Variants in KIF13B observed in about 807,000 individuals in gnomAD.
KIF13B encodes the protein kinesin family member 13B, also known as kinesin-like protein KIF13B.
In KIF13B, 127 loss-of-function variants were observed where a neutral mutation model predicts 222.0. The observed-to-expected ratio is 0.57, with a 90% CI of 0.50 to 0.66. KIF13B has a LOEUF of 0.66. Ranked by LOEUF, KIF13B falls within the 30% of genes least tolerant of loss-of-function variation. KIF13B has a pLI of 0.00. For missense variants in KIF13B, 2,173 were observed against 2,379.0 expected (o/e 0.91, Z 1.80); for synonymous variants, 976 against 919.0 (o/e 1.06, Z -1.12).
rs1178539640 is a variant in KIF13B, at chr8:29,160,782, T to G, written c.1355A>C (p.Asn452Thr). ...ATTCAGAGCTGGGTCAGCATTCAGA[T>G]TCACAAGGAAGCATTTATCATCCCC... ...KVGDDKCFLV[N>T]LNADPALNEL... Residue 452 changes from asparagine to threonine, a missense_variant, in exon 13 of 40, where the codon AAT becomes ACT. Physicochemically the swap from Asn to Thr is moderately conservative, Grantham distance 65. Around this residue, in one of 2 missense-constraint regions of KIF13B, gnomAD observed 1,480 missense variants for 1,722.8 expected, o/e 0.86. Transcript: ENST00000524189. The G allele has an allele frequency of 6.2e-7, 1 of 1,613,690 alleles. No individual in the cohort carries two copies. The highest frequency in any genetic ancestry group is 1.7e-5 in the Admixed American group (1 of 60,004).
chr8:29,093,725 A>T (rs1390862275), intron 36 of KIF13B, among the ~76,000 whole-genome samples: 3 of 152,256 alleles, frequency 2.0e-5, no homozygotes, highest in Non-Finnish European at 4.4e-5. Context: ...TACATTTTAC[A>T]TAAAGCAGTA....
intron 37 of KIF13B, among the ~76,000 whole-genome samples, chr8:29,078,738 T>A (rs1807679117): frequency 6.6e-6 from 1 of 152,204 alleles, no homozygotes; most frequent in African/African-American, 2.4e-5. Flanking sequence ...AAACCGAGGC[T>A]CAGAGAGCGT....
Position 29,191,041 on chromosome 8 carries a change from T to C in KIF13B, c.179A>G (p.His60Arg). Residue 60 changes from histidine to arginine, a missense_variant, in exon 4 of 40, where the codon CAT becomes CGT. Physicochemically the swap from His to Arg is conservative, Grantham distance 29 (BLOSUM62 0). Coordinates refer to ENST00000524189, the MANE Select transcript of KIF13B (RefSeq NM_015254.4). Reference sequence around the variant, plus strand: ...AGATTCATCCATAGACCAGAAACAATGATCATAAGCAAACACCTGTTGAAA... The same window carrying C: ...AGATTCATCCATAGACCAGAAACAACGATCATAAGCAAACACCTGTTGAAA... ...RGQPKVFAYD[H>R]CFWSMDESVK... is the part of the protein sequence containing the mutation. 6.2e-7 allele frequency: 1 copy of C among 1,611,500 alleles called. No homozygotes were observed. Among genetic ancestry groups the C allele is most frequent in the African/African-American group, 1.3e-5 (1 of 74,924 alleles).
chr8:29,125,359 T>C (rs1810061748), intron 26 of KIF13B, among the ~76,000 whole-genome samples: 1 of 152,168 alleles, frequency 6.6e-6, no homozygotes, highest in South Asian at 2.1e-4. Flanking sequence ...ATATAGTGTG[T>C]CTGGGCTTTA....
At chr8:29,202,093 T>C (rs1211971968) in intron 2 of KIF13B, among the ~76,000 whole-genome samples, 1 of 152,182 alleles carries the variant, frequency 6.6e-6, no homozygotes, top group Non-Finnish European at 1.5e-5. Flanking sequence ...AGAGTATGAC[T>C]GGAGAATAAT....
intron 19 of KIF13B, 41 bp downstream of exon 19, chr8:29,142,116 C>A: frequency 2.5e-6 from 4 of 1,569,940 alleles, no homozygotes; most frequent in Non-Finnish European, 3.5e-6. Context: ...TTGGCTCCTT[C>A]CATAATTACC....
rs540541851 is a variant in KIF13B at position 29,089,933 on chromosome 8, T to A, written c.4458+2812A>T. 2.6e-5 allele frequency among the ~76,000 whole-genome samples: 4 copies of A among 151,136 alleles called. No individual in the cohort carries two copies. In the East Asian group the frequency reaches 7.8e-4, roughly 29 times the overall value. On this transcript the variant is annotated intron_variant, in intron 37 of 39. Transcript: ENST00000524189. ...GAAATGGTAATGTAGTGCCTGCATGTATGGTGGAAGCTGTTCTGGTGTGGC... is the reference window on the plus strand; with the variant it reads ...GAAATGGTAATGTAGTGCCTGCATGAATGGTGGAAGCTGTTCTGGTGTGGC...
In KIF13B at chr8:29,145,231, TATC is replaced by T. The variant is rs199993855; in HGVS notation, c.2187+1144_2187+1146del. ...ACAATGATCTGTAAAGTAACGATCA[TATC>T]ATATTTACAATACCTTTCTCAAAAT... is the stretch of plus-strand genomic sequence containing the variant. On this transcript the variant is annotated intron_variant, in intron 18 of 39. Coordinates refer to ENST00000524189, the MANE Select transcript of KIF13B (RefSeq NM_015254.4). Among the ~76,000 whole-genome samples, 165 of 152,330 alleles carry T rather than the reference TATC, an allele frequency of 1.1e-3. No individual in the cohort carries two copies. The East Asian group carries it at 0.02, about 19-fold the overall frequency.
chr8:29,216,034 G>A (rs990965675), intron 2 of KIF13B, among the ~76,000 whole-genome samples: 1 of 152,146 alleles, frequency 6.6e-6, no homozygotes, highest in Admixed American at 6.5e-5. Flanking sequence ...GATGAAGGGA[G>A]ATTTGCCTGA....
At chr8:29,126,165 G>A (rs1344915467) in intron 26 of KIF13B, among the ~76,000 whole-genome samples, 1 of 151,914 alleles carries the variant, frequency 6.6e-6, no homozygotes, top group African/African-American at 2.4e-5. Flanking sequence ...AACTATAATA[G>A]GGGCAACGAG....
At chr8:29,137,976 A>G (rs1443769668) in intron 21 of KIF13B, among the ~76,000 whole-genome samples, 1 of 152,260 alleles carries the variant, frequency 6.6e-6, no homozygotes, top group East Asian at 1.9e-4. Flanking sequence ...AATATGGTTA[A>G]GTCCAAGAGT....
chr8:29,177,617 C>G, intron 8 of KIF13B, 39 bp from the exon 9 acceptor site: 1 of 1,360,112 alleles, frequency 7.4e-7, no homozygotes, highest in Non-Finnish European at 1.1e-6. Context: ...AACAGGAACA[C>G]AGGGCCAGGT....
intron 2 of KIF13B, among the ~76,000 whole-genome samples, chr8:29,241,144 C>T (rs1377489773): frequency 2.6e-5 from 4 of 152,126 alleles, no homozygotes; most frequent in Admixed American, 6.5e-5. Context: ...ATAAATGCTA[C>T]GAAGTGGATA....
intron 14 of KIF13B, among the ~76,000 whole-genome samples, chr8:29,152,058 G>C (rs150905262): frequency 6.6e-6 from 1 of 152,094 alleles, no homozygotes; most frequent in East Asian, 1.9e-4. Flanking sequence ...GGATGCCTTC[G>C]GGGGGTTCAA....
At chr8:29,145,101 T>A (rs1811000391) in intron 18 of KIF13B, among the ~76,000 whole-genome samples, 1 of 152,208 alleles carries the variant, frequency 6.6e-6, no homozygotes, top group African/African-American at 2.4e-5. Flanking sequence ...TGACTGGCCT[T>A]CCTCTTCGGT....
At chr8:29,187,190 C>A (rs531953252) in intron 5 of KIF13B, among the ~76,000 whole-genome samples, 1 of 152,276 alleles carries the variant, frequency 6.6e-6, no homozygotes, top group East Asian at 1.9e-4. Context: ...ACTACCCTTT[C>A]ACTATAGTGT....
chr8:29,235,108 C>T (rs963768270), intron 2 of KIF13B, among the ~76,000 whole-genome samples: 1 of 152,042 alleles, frequency 6.6e-6, no homozygotes, highest in Non-Finnish European at 1.5e-5. Context: ...CCGTATAATC[C>T]TAATATTAGA....
intron 15 of KIF13B, among the ~76,000 whole-genome samples, chr8:29,149,973 A>T (rs982880749): frequency 5.3e-5 from 8 of 152,244 alleles, no homozygotes; most frequent in Non-Finnish European, 8.8e-5. Context: ...AATAAATAAA[A>T]AAAAAGATAA....
chr8:29,236,793 G>C (rs1815528703), intron 2 of KIF13B, among the ~76,000 whole-genome samples: 1 of 152,124 alleles, frequency 6.6e-6, no homozygotes, highest in African/African-American at 2.4e-5. Flanking sequence ...CTTTGTAAAA[G>C]AAAACTTTCT....
Sources: allele counts gnomAD v4.1 joint callset (sites outside exome capture counted in the v4.1 genomes callset), GRCh38; gene constraint gnomAD v4.1.1; regional missense constraint gnomAD v4.1.1; transcripts MANE v1.5; gene names NCBI Gene and HGNC (gene_info 2026-07-23, HGNC 2026-07-21).